Variants in VAPB observed in about 807,000 individuals in gnomAD.
VAPB encodes the protein VAMP associated protein B and C, also known as vesicle-associated membrane protein-associated protein B/C.
A neutral mutation model predicts 25.6 loss-of-function variants in VAPB; 7 were observed. The ratio of observed to expected loss-of-function variants is 0.27; its 90% CI spans 0.16 to 0.51. The LOEUF is 0.51. Ranked by LOEUF, VAPB falls within the 20% of genes least tolerant of loss-of-function variation. The pLI is 0.97. For synonymous variants in VAPB, 112 were observed against 109.2 expected (o/e 1.03, Z -0.16); for missense variants, 266 against 301.3 (o/e 0.88, Z 0.87).
chr20:58,410,930 T>C (rs559436828), intron 1 of VAPB, among the ~76,000 whole-genome samples: 45 of 152,346 alleles, frequency 3.0e-4, no homozygotes, highest in African/African-American at 1.1e-3. Flanking sequence ...ACAGTTTATT[T>C]TATCCACTCA....
chr20:58,418,951 A>G (rs1020098348), intron 2 of VAPB, among the ~76,000 whole-genome samples: 3 of 152,174 alleles, frequency 2.0e-5, no homozygotes, highest in Non-Finnish European at 2.9e-5. Context: ...GTATTTTCCA[A>G]AATCCACCTT....
At chr20:58,438,856 G>A in intron 3 of VAPB, 89 bp from the exon 4 acceptor site, 1 of 1,102,768 alleles carries the variant, frequency 9.1e-7, no homozygotes, top group South Asian at 1.3e-5. Flanking sequence ...CTCATTAAGA[G>A]TATTTTTCTG....
intron 5 of VAPB, among the ~76,000 whole-genome samples, chr20:58,442,324 T>C (rs948044180): frequency 2.0e-5 from 3 of 152,244 alleles, no homozygotes; most frequent in Admixed American, 1.3e-4. Flanking sequence ...ACTTTTTGGC[T>C]AAAAATCTAA....
chr20:58,446,729 G>A lies in VAPB; in HGVS notation c.*2494G>A, dbSNP rs892425753. The A allele has an allele frequency of 8.8e-6, 4 of 453,974 alleles. No homozygotes were observed. The highest frequency in any genetic ancestry group is 2.3e-5 in the Admixed American group (1 of 42,560). The allele number at this position is 453,974 out of a possible 1,614,324, so 28.1% of individuals were successfully genotyped here. A position where few individuals can be genotyped will look rare whatever the true frequency, so the allele number is the denominator to read the frequency against. ...ACATGTTTGTGGGCCTTTTGACTGA[G>A]TGGCAGAAGGAAACTGCTCAGGAAG... is the stretch of plus-strand genomic sequence containing the variant. On this transcript the variant is annotated 3_prime_UTR_variant, in exon 6 of 6. Coordinates refer to ENST00000475243, the MANE Select transcript of VAPB (RefSeq NM_004738.5).
chr20:58,428,112 GGT>G (rs1226864696), intron 2 of VAPB, among the ~76,000 whole-genome samples: 2 of 152,186 alleles, frequency 1.3e-5, no homozygotes, highest in African/African-American at 4.8e-5. Flanking sequence ...TACTCCAAGG[GGT>G]GTGTGTGTAT....
At chr20:58,440,847 A>C in intron 4 of VAPB, 60 bp from the exon 5 acceptor site, 2 of 1,550,832 alleles carry the variant, frequency 1.3e-6, no homozygotes, top group South Asian at 2.3e-5. Context: ...TTTACTTTGC[A>C]TAAAAAAGTC....
At chr20:58,418,546 C>G (rs1370220507) in intron 2 of VAPB, among the ~76,000 whole-genome samples, 183 bp downstream of exon 2, 4 of 147,134 alleles carry the variant, frequency 2.7e-5, no homozygotes, top group African/African-American at 7.6e-5. Context: ...GGGTCCCAGT[C>G]GCCTGTTTTT....
rs1198499683 is a variant in VAPB at position 58,450,488 on chromosome 20, T to C, written c.*6253T>C. ...AAATGCAAAATATATTTGGTTCTCATTTCTGTTGCTGTCGTTTCCTTTTTA... is the reference window on the plus strand; with the variant it reads ...AAATGCAAAATATATTTGGTTCTCACTTCTGTTGCTGTCGTTTCCTTTTTA... On this transcript the variant is annotated 3_prime_UTR_variant, in exon 6 of 6. Transcript: ENST00000475243. 2.2e-6 allele frequency: 1 copy of C among 454,042 alleles called. No individual in the cohort carries two copies. The highest frequency in any genetic ancestry group is 2.3e-5 in the Admixed American group (1 of 42,568). 28.1% of individuals were successfully genotyped at this position (454,042 alleles called of 1,614,324 possible). A position where few individuals can be genotyped will look rare whatever the true frequency, so the allele number is the denominator to read the frequency against.
At chr20:58,426,240 C>T (rs929283984) in intron 2 of VAPB, among the ~76,000 whole-genome samples, 1 of 152,146 alleles carries the variant, frequency 6.6e-6, no homozygotes, top group African/African-American at 2.4e-5. Context: ...GCTGTGCTGT[C>T]TAGCCTGGAG....
chr20:58,389,575 A>C, intron 1 of VAPB, 58 bp downstream of exon 1: 1 of 1,500,418 alleles, frequency 6.7e-7, no homozygotes, highest in Non-Finnish European at 8.9e-7. Flanking sequence ...TGCTGGAAGG[A>C]CGGAGCCCGG....
At chr20:58,395,368 C>T (rs187970995) in intron 1 of VAPB, among the ~76,000 whole-genome samples, 24 of 152,084 alleles carry the variant, frequency 1.6e-4, no homozygotes, top group Admixed American at 1.5e-3. Flanking sequence ...GCCAGATGGT[C>T]TCGATCTCTT....
chr20:58,435,487 G>A (rs1476911201), intron 3 of VAPB, among the ~76,000 whole-genome samples: 1 of 152,144 alleles, frequency 6.6e-6, no homozygotes, highest in Non-Finnish European at 1.5e-5. Context: ...TTGCTCTCCA[G>A]TTTTGGCCCG....
At position 58,447,021 on chromosome 20, in the gene VAPB, C is replaced by T. The variant is rs759741931; in HGVS notation, c.*2786C>T. ...CGGGACGAAACTGGCATGGAAAGAG[C>T]GAGCCTAGGGAGGATGCCGCTGGGC... On this transcript the variant is annotated 3_prime_UTR_variant, in exon 6 of 6. Coordinates refer to ENST00000475243, the MANE Select transcript of VAPB (RefSeq NM_004738.5). 14 of 453,842 alleles carry T rather than the reference C, an allele frequency of 3.1e-5. No homozygotes were observed. The highest frequency in any genetic ancestry group is 1.7e-4 in the South Asian group (11 of 64,450). 28.1% of individuals were successfully genotyped at this position (453,842 alleles called of 1,614,324 possible). A position where few individuals can be genotyped will look rare whatever the true frequency, so the allele number is the denominator to read the frequency against.
chr20:58,447,754 A>G lies in VAPB; in HGVS notation c.*3519A>G. ...TGCCTATATTTTTTTGCATACACAA[A>G]TTTTTGTGTTTGCAAACTCAGAATC... On this transcript the variant is annotated 3_prime_UTR_variant, in exon 6 of 6. Transcript: ENST00000475243. 2.2e-6 allele frequency: 1 copy of G among 453,792 alleles called. No individual in the cohort carries two copies. The highest frequency in any genetic ancestry group is 1.6e-5 in the South Asian group (1 of 64,470). 28.1% of individuals were successfully genotyped at this position (453,792 alleles called of 1,614,324 possible).
Position 58,389,397 on chromosome 20 carries a change from C to T in VAPB, c.-63C>T. Reference sequence around the variant, plus strand: ...AAACTTAAAGCGGGCGCAGCATTAACGCTTCCCGCCCCGGTGACCTCTCAG... The same window carrying T: ...AAACTTAAAGCGGGCGCAGCATTAATGCTTCCCGCCCCGGTGACCTCTCAG... On this transcript the variant is annotated 5_prime_UTR_variant, in exon 1 of 6. The change creates a new upstream start codon in the 5' untranslated region. Coordinates refer to ENST00000475243, the MANE Select transcript of VAPB (RefSeq NM_004738.5). 1.4e-6 allele frequency: 2 copies of T among 1,454,354 alleles called. No homozygotes were observed. Among genetic ancestry groups the T allele is most frequent in the East Asian group, 2.8e-5 (1 of 35,634 alleles). The allele number at this position is 1,454,354 out of a possible 1,614,324, so 90.1% of individuals were successfully genotyped here. A position where few individuals can be genotyped will look rare whatever the true frequency, so the allele number is the denominator to read the frequency against.
intron 2 of VAPB, among the ~76,000 whole-genome samples, chr20:58,422,210 G>C (rs1418635879): frequency 4.6e-5 from 7 of 152,238 alleles, no homozygotes; most frequent in Non-Finnish European, 1.0e-4. Context: ...TCTGAGGTTT[G>C]TGCTTTTTGG....
chr20:58,441,450 G>A (rs1989160469), intron 5 of VAPB, among the ~76,000 whole-genome samples: 1 of 152,152 alleles, frequency 6.6e-6, no homozygotes, highest in South Asian at 2.1e-4. Flanking sequence ...GACCAGCCTG[G>A]CCAACAAAGT....
At chr20:58,396,092 C>A (rs552456489) in intron 1 of VAPB, among the ~76,000 whole-genome samples, 1 of 151,152 alleles carries the variant, frequency 6.6e-6, no homozygotes, top group East Asian at 1.9e-4. Flanking sequence ...TGGCATAGTC[C>A]CGTGAGAAAA....
At chr20:58,407,217 G>C (rs867063886) in intron 1 of VAPB, among the ~76,000 whole-genome samples, 3 of 152,162 alleles carry the variant, frequency 2.0e-5, no homozygotes, top group Non-Finnish European at 2.9e-5. Context: ...TTTATCTTTA[G>C]ATGGTTTCTA....
Sources: allele counts gnomAD v4.1 joint callset (sites outside exome capture counted in the v4.1 genomes callset), GRCh38; gene constraint gnomAD v4.1.1; transcripts MANE v1.5; gene names NCBI Gene and HGNC (gene_info 2026-07-23, HGNC 2026-07-21).